NOL4L: variants seen among roughly 807,000 people sequenced by gnomAD.
The protein encoded by NOL4L is nucleolar protein 4 like.
A neutral mutation model predicts 64.5 loss-of-function variants in NOL4L; 7 were observed. The observed-to-expected ratio is 0.11, with a 90% CI of 0.06 to 0.20. NOL4L has a LOEUF of 0.20. Among genes scored for constraint, NOL4L ranks in the 10% least tolerant of loss-of-function variants. NOL4L has a pLI of 1.00. For missense variants in NOL4L, 680 were observed against 967.1 expected (o/e 0.70, Z 3.94); for synonymous variants, 413 against 401.0 (o/e 1.03, Z -0.36).
intron 1 of NOL4L, among the ~76,000 whole-genome samples, chr20:32,571,239 G>A (rs894927532): frequency 1.3e-5 from 2 of 152,184 alleles, no homozygotes; most frequent in African/African-American, 2.4e-5. Flanking sequence ...CCAGGCTGGA[G>A]TGCAGTGGCG....
Position 32,452,216 on chromosome 20 carries a change from C to T in NOL4L, c.1822+20G>A. On this transcript the variant is annotated intron_variant, in intron 10 of 10. Transcript: ENST00000621426. ...TGGGTGCTGGTCGGGAAGCCAGAGC[C>T]CAGGCCTCCCCCGACTCACCATTAC... 1 of 1,505,126 alleles carries T rather than the reference C, an allele frequency of 6.6e-7. No individual in the cohort carries two copies. The highest frequency in any genetic ancestry group is 8.9e-7 in the Non-Finnish European group (1 of 1,121,722). The allele number at this position is 1,505,126 out of a possible 1,614,324, so 93.2% of individuals were successfully genotyped here. A position where few individuals can be genotyped will look rare whatever the true frequency, so the allele number is the denominator to read the frequency against.
intron 1 of NOL4L, among the ~76,000 whole-genome samples, chr20:32,564,821 G>A (rs1168952337): frequency 6.6e-6 from 1 of 152,248 alleles, no homozygotes; most frequent in Non-Finnish European, 1.5e-5. Context: ...AGCAGGTGCG[G>A]CTAGAGCCTG....
At position 32,488,747 on chromosome 20, in the gene NOL4L, T is replaced by TTTCCTTCC. The variant is rs1206813375; in HGVS notation, c.700-14013_700-14006dup. Among the ~76,000 whole-genome samples the TTTCCTTCC allele has an allele frequency of 2.0e-3, 213 of 106,898 alleles. 12 individuals carry two copies. The highest frequency in any genetic ancestry group is 2.6e-3 in the Non-Finnish European group (137 of 52,776). 70.1% of individuals were successfully genotyped at this position (106,898 alleles called of 152,430 possible). A position where few individuals can be genotyped will look rare whatever the true frequency, so the allele number is the denominator to read the frequency against. ...TTCTTTCTTTCTTTTCTTTCTTTCT[T>TTTCCTTCC]TTCCTTCCTTCCTTCCTTCCTTCCT... On this transcript the variant is annotated intron_variant, in intron 4 of 10. Coordinates refer to ENST00000621426, the MANE Select transcript of NOL4L (RefSeq NM_001256798.2).
chr20:32,506,054 T>A (rs552932872), intron 4 of NOL4L, among the ~76,000 whole-genome samples: 1 of 152,338 alleles, frequency 6.6e-6, no homozygotes, highest in South Asian at 2.1e-4. Context: ...AGGTTTTATA[T>A]ATTTATCACA....
chr20:32,546,225 C>A (rs753555176), intron 1 of NOL4L, among the ~76,000 whole-genome samples: 1 of 151,718 alleles, frequency 6.6e-6, no homozygotes, highest in East Asian at 1.9e-4. Context: ...GGATTACAGG[C>A]GTGAGCCAGT....
chr20:32,538,802 C>T (rs915415421), intron 1 of NOL4L, among the ~76,000 whole-genome samples: 5 of 152,200 alleles, frequency 3.3e-5, no homozygotes, highest in Admixed American at 3.3e-4. Flanking sequence ...GGCGTCGCTC[C>T]CGTCTAGCCG....
intron 1 of NOL4L, among the ~76,000 whole-genome samples, chr20:32,553,433 C>G (rs1041813330): frequency 6.6e-6 from 1 of 152,166 alleles, no homozygotes; most frequent in Non-Finnish European, 1.5e-5. Context: ...TCCTGGAATC[C>G]TCTCCCACCA....
rs1261642220 is a variant in NOL4L at position 32,464,336 on chromosome 20, G to C, written c.842-7941C>G. Among the ~76,000 whole-genome samples the C allele has an allele frequency of 6.6e-6, 1 of 152,176 alleles. No individual in the cohort carries two copies. The highest frequency in any genetic ancestry group is 1.5e-5 in the Non-Finnish European group (1 of 68,014). ...GGAGGGGTGCAGGGGTCAAATGGGGGACACTAGGACCCTACCATCCGGGTG... is the reference window on the plus strand; with the variant it reads ...GGAGGGGTGCAGGGGTCAAATGGGGCACACTAGGACCCTACCATCCGGGTG... On this transcript the variant is annotated intron_variant, in intron 5 of 10. Coordinates refer to ENST00000621426, the MANE Select transcript of NOL4L (RefSeq NM_001256798.2). This position sits in a 1 kb window ranked among gnomAD's most constrained non-coding sequence, Gnocchi z 5.6.
rs1980791771 is a variant in NOL4L at position 32,584,932 on chromosome 20, C to T, written c.-42G>A. The T allele has an allele frequency of 3.6e-6, 4 of 1,099,338 alleles. No individual in the cohort carries two copies. The highest frequency in any genetic ancestry group is 1.7e-5 in the African/African-American group (1 of 59,604). The allele number at this position is 1,099,338 out of a possible 1,614,324, so 68.1% of individuals were successfully genotyped here. A position where few individuals can be genotyped will look rare whatever the true frequency, so the allele number is the denominator to read the frequency against. On this transcript the variant is annotated 5_prime_UTR_variant, in exon 1 of 11. Coordinates refer to ENST00000621426, the MANE Select transcript of NOL4L (RefSeq NM_001256798.2). The stretch of plus-strand genomic sequence containing the variant: ...GCGCCCTCGGGGGCGGGCCGGCCGC[C>T]GGGCCGCCCGGTGCCGGGACTGGGC...
intron 4 of NOL4L, chr20:32,510,328 G>T (rs771629517): frequency 1.2e-5 from 3 of 250,608 alleles, no homozygotes; most frequent in South Asian, 4.7e-5. Flanking sequence ...AAAGGAATAC[G>T]CAGCTCTGCA....
Position 32,453,217 on chromosome 20 carries a change from G to A in NOL4L, c.1497+87C>T. 1.3e-6 allele frequency: 2 copies of A among 1,517,970 alleles called. No individual in the cohort carries two copies. The highest frequency in any genetic ancestry group is 1.8e-6 in the Non-Finnish European group (2 of 1,119,718). 94.0% of individuals were successfully genotyped at this position (1,517,970 alleles called of 1,614,324 possible). On this transcript the variant is annotated intron_variant, in intron 8 of 10. Transcript: ENST00000621426. The surrounding 1 kb of genome is among the most constrained non-coding windows in gnomAD (Gnocchi z 5.6). ...TTCCAGGGCTCCTGGGAAGACCCTG[G>A]GTGAAGGGGCCCGGGCATCCTGGGA...
In NOL4L at chr20:32,584,835, C is replaced by T. The variant is rs1478362703; in HGVS notation, c.56G>A (p.Gly19Glu). ...GAACTGGCGGCCCAGCTCCGAGTCC[C>T]CGGGGCTGCGCTCGCGCTCCCAGCC... ...RGGWERERSPGDSELGRQFRD... is the reference protein window; with the variant it reads ...RGGWERERSPEDSELGRQFRD... The change falls in exon 1 of 11, where the codon GGG becomes GAG. Residue 19 changes from glycine (G) to glutamate (E), a missense_variant. This residue lies in a region of NOL4L where 181 missense variants were observed against 335.2 expected (regional missense o/e 0.54). Transcript: ENST00000621426. The T allele has an allele frequency of 2.0e-6, 3 of 1,488,388 alleles. No individual in the cohort carries two copies. The highest frequency in any genetic ancestry group is 2.7e-6 in the Non-Finnish European group (3 of 1,118,472). The allele number at this position is 1,488,388 out of a possible 1,614,324, so 92.2% of individuals were successfully genotyped here.
intron 1 of NOL4L, among the ~76,000 whole-genome samples, chr20:32,539,054 G>T (rs1276130434): frequency 1.3e-5 from 2 of 152,188 alleles, no homozygotes; most frequent in Non-Finnish European, 2.9e-5. Context: ...GCGGCACAGA[G>T]TGTCTAGGGC....
chr20:32,576,714 G>A (rs1482518081), intron 1 of NOL4L, among the ~76,000 whole-genome samples: 1 of 152,166 alleles, frequency 6.6e-6, no homozygotes, highest in African/African-American at 2.4e-5. Flanking sequence ...CACTCCCCAC[G>A]ACTCCCGTCT....
chr20:32,512,502 T>C (rs1186123872), intron 3 of NOL4L, among the ~76,000 whole-genome samples: 1 of 152,166 alleles, frequency 6.6e-6, no homozygotes, highest in East Asian at 1.9e-4. Flanking sequence ...TTTGTTGTCC[T>C]GAAGATCAAA....
intron 3 of NOL4L, among the ~76,000 whole-genome samples, chr20:32,514,769 C>T (rs1320333601): frequency 2.6e-5 from 4 of 152,034 alleles, no homozygotes; most frequent in East Asian, 1.9e-4. Context: ...GAGATGGTAT[C>T]GCTCAGAAGA....
At chr20:32,488,965 CTTTTTTTT>C (rs1174304651) in intron 4 of NOL4L, among the ~76,000 whole-genome samples, 1 of 45,078 alleles carries the variant, frequency 2.2e-5, no homozygotes, top group Non-Finnish European at 4.1e-5. Flanking sequence ...AATTGTTGGT[CTTTTTTTT>C]TTTTTTTTTT....
At chr20:32,520,652 C>T (rs1323783905) in intron 3 of NOL4L, among the ~76,000 whole-genome samples, 159 bp downstream of exon 3, 2 of 152,216 alleles carry the variant, frequency 1.3e-5, no homozygotes, top group Non-Finnish European at 2.9e-5. Flanking sequence ...CGAAACAAAA[C>T]AAGGCGCTTT....
At chr20:32,576,397 G>C (rs1980105668) in intron 1 of NOL4L, among the ~76,000 whole-genome samples, 1 of 152,158 alleles carries the variant, frequency 6.6e-6, no homozygotes, top group Non-Finnish European at 1.5e-5. Context: ...GGAGGGAGAG[G>C]AGGTCAGAGA....
Sources: allele counts gnomAD v4.1 joint callset (sites outside exome capture counted in the v4.1 genomes callset), GRCh38; gene constraint gnomAD v4.1.1; regional missense constraint gnomAD v4.1.1; non-coding constraint Gnocchi (gnomAD v3.1); transcripts MANE v1.5; gene names NCBI Gene and HGNC (gene_info 2026-07-23, HGNC 2026-07-21).